Variants in PRORP observed in about 807,000 individuals in gnomAD.
The protein encoded by PRORP is mitochondrial ribonuclease P catalytic subunit.
PRORP carries 51 observed loss-of-function variants against 59.4 expected under a neutral mutation model. The ratio of observed to expected loss-of-function variants is 0.86; its 90% CI spans 0.69 to 1.08. The LOEUF (loss-of-function observed/expected upper bound fraction) is 1.08, where lower values mean the gene tolerates loss of function less well. PRORP is among the 50% of genes least tolerant of loss of function. The pLI is 0.00. For synonymous variants in PRORP, 231 were observed against 245.6 expected, an observed-to-expected ratio of 0.94 and a Z score of 0.55; for missense variants, 646 against 690.3, an observed-to-expected ratio of 0.94 and a Z score of 0.72.
chr14:35,205,650 G>C (rs1037254412), intron 5 of PRORP, among the ~76,000 whole-genome samples: 11 of 152,222 alleles, frequency 7.2e-5, no homozygotes, highest in Non-Finnish European at 1.5e-4. Context: ...GAGAAAAGCA[G>C]TTTCAGAAGT....
At chr14:35,176,558 G>A (rs7140254) in intron 4 of PRORP, among the ~76,000 whole-genome samples, 28,027 of 151,944 alleles carry the variant, frequency 0.18, 2,844 homozygotes, top group Admixed American at 0.27. Flanking sequence ...TTATTGGTGT[G>A]TAAGAATGCT....
intron 5 of PRORP, among the ~76,000 whole-genome samples, chr14:35,260,861 A>G (rs149859477): frequency 5.9e-5 from 9 of 152,296 alleles, no homozygotes; most frequent in East Asian, 5.8e-4. Context: ...AGTGCACTCA[A>G]TAAAGATCCT....
chr14:35,156,959 C>CTTT (rs11370871), intron 4 of PRORP, among the ~76,000 whole-genome samples: 10 of 137,012 alleles, frequency 7.3e-5, no homozygotes, highest in South Asian at 2.2e-4. Context: ...TTTTTCTTTT[C>CTTT]TTTTTTTTTT....
At chr14:35,152,340 A>G (rs2047778381) in intron 4 of PRORP, among the ~76,000 whole-genome samples, 1 of 152,236 alleles carries the variant, frequency 6.6e-6, no homozygotes, top group Admixed American at 6.5e-5. Flanking sequence ...CTTTCTACAC[A>G]GACACAGCAA....
chr14:35,199,380 G>T (rs1447161583), intron 5 of PRORP, among the ~76,000 whole-genome samples: 2 of 149,570 alleles, frequency 1.3e-5, no homozygotes, highest in African/African-American at 2.4e-5. Context: ...GCTATAGTTT[G>T]AATGTGTCCA....
chr14:35,142,501 AC>A (rs1309618586), intron 4 of PRORP, among the ~76,000 whole-genome samples: 1 of 129,330 alleles, frequency 7.7e-6, no homozygotes, highest in African/African-American at 2.6e-5. Flanking sequence ...GGTGCATGCC[AC>A]CCTGCCCTGC....
Position 35,123,985 on chromosome 14 carries a change from A to G in PRORP, c.740A>G (p.Tyr247Cys). 6.2e-7 allele frequency: 1 copy of G among 1,614,166 alleles called. No individual in the cohort carries two copies. The highest frequency in any genetic ancestry group is 8.5e-7 in the Non-Finnish European group (1 of 1,180,008). Residue 247 changes from tyrosine to cysteine, a missense_variant, in exon 2 of 8, where the codon TAT (tyrosine) becomes TGT (cysteine). Physicochemically the swap from Tyr to Cys is radical, Grantham distance 194. Transcript: ENST00000534898. ...GTTATAACTCCTTCAAAAAAGAACT[A>G]TAATGACTGTATCCAGGGAGCTCTC... Reference protein sequence around the residue: ...KKVITPSKKNYNDCIQGALLH... With the variant: ...KKVITPSKKNCNDCIQGALLH...
intron 5 of PRORP, among the ~76,000 whole-genome samples, chr14:35,230,019 G>C (rs954305095): frequency 4.0e-5 from 6 of 150,702 alleles, no homozygotes; most frequent in Non-Finnish European, 8.8e-5. Flanking sequence ...CAAGAAGCTC[G>C]AGTGCCAGCC....
At chr14:35,156,193 C>T (rs1595205048) in intron 4 of PRORP, among the ~76,000 whole-genome samples, 1 of 152,170 alleles carries the variant, frequency 6.6e-6, no homozygotes, top group East Asian at 1.9e-4. Flanking sequence ...AACCTGAGAG[C>T]CTATGTCCCC....
chr14:35,203,459 G>A (rs1292730520), intron 5 of PRORP, among the ~76,000 whole-genome samples: 2 of 151,888 alleles, frequency 1.3e-5, no homozygotes, highest in Non-Finnish European at 2.9e-5. Context: ...CCCAGGAAGT[G>A]GAGGCTGCAG....
intron 5 of PRORP, among the ~76,000 whole-genome samples, chr14:35,220,736 C>CT (rs144231335): frequency 0.11 from 16,422 of 152,166 alleles, 1,020 homozygotes; most frequent in African/African-American, 0.17. Flanking sequence ...AATTATTCCC[C>CT]ATGACATGGC....
intron 5 of PRORP, among the ~76,000 whole-genome samples, chr14:35,214,226 G>A (rs534754972): frequency 1.3e-5 from 2 of 152,162 alleles, no homozygotes; most frequent in Non-Finnish European, 2.9e-5. Flanking sequence ...AATGAGAAAA[G>A]CTGAAATGAC....
Position 35,270,448 on chromosome 14 carries a change from A to G in PRORP, c.1472A>G (p.Asn491Ser). The stretch of plus-strand genomic sequence containing the variant: ...CTGTATGCCACACTGCACTCCGGGA[A>G]TCACTGCAGGTTTATCACAAGAGAC... Reference protein sequence around the residue: ...FLLYATLHSGNHCRFITRDLM... With the variant: ...FLLYATLHSGSHCRFITRDLM... The change falls in exon 7 of 8, where the codon AAT becomes AGT. Residue 491 changes from asparagine (N) to serine (S), a missense_variant. Asn to Ser is a conservative substitution (Grantham distance 46, BLOSUM62 1). Coordinates refer to ENST00000534898, the MANE Select transcript of PRORP (RefSeq NM_014672.4). 1 of 1,614,060 alleles carries G rather than the reference A, an allele frequency of 6.2e-7. No individual in the cohort carries two copies. The highest frequency in any genetic ancestry group is 8.5e-7 in the Non-Finnish European group (1 of 1,180,012).
At chr14:35,257,039 A>C (rs1272275405) in intron 5 of PRORP, among the ~76,000 whole-genome samples, 1 of 151,502 alleles carries the variant, frequency 6.6e-6, no homozygotes, top group Non-Finnish European at 1.5e-5. Flanking sequence ...TACCCAGCTA[A>C]GTTTTTTGTA....
At chr14:35,258,207 G>T (rs1374260913) in intron 5 of PRORP, among the ~76,000 whole-genome samples, 1 of 152,062 alleles carries the variant, frequency 6.6e-6, no homozygotes. Context: ...GCCCAGGCTG[G>T]TCTCGAACTC....
intron 5 of PRORP, among the ~76,000 whole-genome samples, chr14:35,257,968 T>A (rs941299180): frequency 1.3e-5 from 2 of 152,104 alleles, no homozygotes; most frequent in Non-Finnish European, 2.9e-5. Flanking sequence ...TTCTAACCCA[T>A]GTAGCCCTGC....
intron 4 of PRORP, among the ~76,000 whole-genome samples, chr14:35,157,157 A>G (rs1026466634): frequency 5.9e-5 from 9 of 151,966 alleles, no homozygotes; most frequent in East Asian, 3.9e-4. Context: ...GGGTTTCACT[A>G]TGTTAGCCAG....
At chr14:35,262,416 A>T (rs2050928788) in intron 5 of PRORP, 1 of 365,324 alleles carries the variant, frequency 2.7e-6, no homozygotes, top group Admixed American at 3.9e-5. Flanking sequence ...GATTATGTTT[A>T]AAAATACATA....
intron 5 of PRORP, among the ~76,000 whole-genome samples, chr14:35,223,635 A>G (rs2049856028): frequency 6.6e-6 from 1 of 151,424 alleles, no homozygotes; most frequent in South Asian, 2.1e-4. Flanking sequence ...AATTTTTTGT[A>G]TTTTTAGTAG....
Sources: allele counts gnomAD v4.1 joint callset (sites outside exome capture counted in the v4.1 genomes callset), GRCh38; gene constraint gnomAD v4.1.1; transcripts MANE v1.5; gene names NCBI Gene and HGNC (gene_info 2026-07-23, HGNC 2026-07-21).